Variants in FILIP1 observed in about 807,000 individuals in gnomAD.
FILIP1 encodes the protein filamin-A-interacting protein 1.
FILIP1 carries 61 observed loss-of-function variants against 102.1 expected under a neutral mutation model. That is an observed-to-expected ratio of 0.60 (90% confidence interval 0.49 to 0.74). FILIP1 has a LOEUF of 0.74. Ranked by LOEUF, FILIP1 falls within the 30% of genes least tolerant of loss-of-function variation. The probability of loss-of-function intolerance (pLI) is 0.00; values close to 1 mark genes in which losing one functional copy is unlikely to be tolerated. For missense variants in FILIP1, 1,314 were observed against 1,441.2 expected, an observed-to-expected ratio of 0.91 and a Z score of 1.43; for synonymous variants, 491 against 526.9, an observed-to-expected ratio of 0.93 and a Z score of 0.93.
chr6:75,400,605 CTGA>C (rs1445758309), intron 2 of FILIP1, among the ~76,000 whole-genome samples: 1 of 152,044 alleles, frequency 6.6e-6, no homozygotes, highest in African/African-American at 2.4e-5. Flanking sequence ...AGGGACCTTT[CTGA>C]TAATAATTCC....
intron 1 of FILIP1, among the ~76,000 whole-genome samples, chr6:75,416,840 C>T (rs1022494419): frequency 6.6e-6 from 1 of 152,050 alleles, no homozygotes; most frequent in African/African-American, 2.4e-5. Context: ...AAATCCCAGA[C>T]AATAGTTCCC....
intron 2 of FILIP1, among the ~76,000 whole-genome samples, chr6:75,376,080 A>G (rs2149633950): frequency 6.6e-6 from 1 of 152,314 alleles, no homozygotes; most frequent in South Asian, 2.1e-4. Context: ...GTCTTTTTGA[A>G]AACTCAGGGT....
intron 2 of FILIP1, among the ~76,000 whole-genome samples, chr6:75,392,669 G>T (rs373349795): frequency 6.6e-6 from 1 of 152,020 alleles, no homozygotes; most frequent in East Asian, 1.9e-4. Flanking sequence ...TGCCTGATAT[G>T]GTTTTGCTCT....
At chr6:75,349,434 G>A (rs1471940533) in intron 4 of FILIP1, among the ~76,000 whole-genome samples, 1 of 151,758 alleles carries the variant, frequency 6.6e-6, no homozygotes, top group Non-Finnish European at 1.5e-5. Context: ...GGCGGGAGAA[G>A]CTGAGTGAGT....
chr6:75,350,355 T>G (rs1774751432), intron 4 of FILIP1, among the ~76,000 whole-genome samples: 1 of 151,918 alleles, frequency 6.6e-6, no homozygotes, highest in Non-Finnish European at 1.5e-5. Flanking sequence ...ATCCCAGTGG[T>G]GCTGATGAAA....
At position 75,414,958 on chromosome 6, in the gene FILIP1, G is replaced by A; in HGVS notation, c.15C>T (p.Asn5=). Reference sequence around the variant, plus strand: ...CATCAGATGCACTTTCACCACCTTGGTTTCGAGATCTCATTCCCACCTACA... The same window carrying A: ...CATCAGATGCACTTTCACCACCTTGATTTCGAGATCTCATTCCCACCTACA... MRSR[N]QGGESASDGH... Residue 5 remains asparagine (N), a synonymous_variant, in exon 2 of 6, where the codon AAC becomes AAT. Transcript: ENST00000237172. The A allele has an allele frequency of 6.2e-7, 1 of 1,613,326 alleles. No individual in the cohort carries two copies.
chr6:75,352,534 G>GA, intron 4 of FILIP1, among the ~76,000 whole-genome samples: 1 of 152,232 alleles, frequency 6.6e-6, no homozygotes, highest in Non-Finnish European at 1.5e-5. Context: ...AAACCTACAA[G>GA]AATAAACATC....
chr6:75,350,304 C>T lies in FILIP1; in HGVS notation c.629+3235G>A, dbSNP rs79799965. ...AAAATTAAGTGAGAGTCAAAGGTCT[C>T]TTAGTGAATTCTTATCTAAAACGTG... On this transcript the variant is annotated intron_variant, in intron 4 of 5. Coordinates refer to ENST00000237172, the MANE Select transcript of FILIP1 (RefSeq NM_015687.5). Among the ~76,000 whole-genome samples the T allele has an allele frequency of 7.2e-3, 1,086 of 151,578 alleles. 37 individuals carry two copies. The East Asian group carries it at 0.11, about 15-fold the overall frequency.
intron 1 of FILIP1, among the ~76,000 whole-genome samples, chr6:75,454,655 A>G (rs1778760618): frequency 6.6e-6 from 1 of 152,176 alleles, no homozygotes; most frequent in Admixed American, 6.5e-5. Flanking sequence ...GTGAAGTCCC[A>G]TGTCTTTTCT....
intron 1 of FILIP1, among the ~76,000 whole-genome samples, chr6:75,475,687 T>C (rs760507987): frequency 4.6e-5 from 7 of 152,188 alleles, no homozygotes; most frequent in African/African-American, 7.2e-5. Flanking sequence ...TTTATGAGCC[T>C]CACCTCATTC....
intron 1 of FILIP1, among the ~76,000 whole-genome samples, chr6:75,478,937 G>A (rs571447923): frequency 2.6e-4 from 39 of 152,074 alleles, no homozygotes; most frequent in Non-Finnish European, 4.7e-4. Context: ...TCTTCCACTT[G>A]CTCCTTGGTC....
Position 75,338,379 on chromosome 6 carries a change from A to T in FILIP1, c.629+15160T>A, listed in dbSNP as rs149469603. 1.6e-4 allele frequency among the ~76,000 whole-genome samples: 24 copies of T among 152,314 alleles called. 1 individual carries two copies. In the East Asian group the frequency reaches 4.6e-3, roughly 29 times the overall value. ...ATCTTTTCTGCTCAAACTTTTCACC[A>T]CCATGAAGCACTTTCCAAACACAAG... On this transcript the variant is annotated intron_variant, in intron 4 of 5. Coordinates refer to ENST00000237172, the MANE Select transcript of FILIP1 (RefSeq NM_015687.5).
chr6:75,383,855 T>A (rs1775986701), intron 2 of FILIP1, among the ~76,000 whole-genome samples: 2 of 152,148 alleles, frequency 1.3e-5, no homozygotes, highest in Admixed American at 6.6e-5. Context: ...ATAAGTGGTG[T>A]CAGAATGCGA....
intron 2 of FILIP1, among the ~76,000 whole-genome samples, chr6:75,393,883 C>T (rs1030232424): frequency 1.3e-5 from 2 of 152,128 alleles, no homozygotes; most frequent in Non-Finnish European, 2.9e-5. Context: ...CTACTTTGTC[C>T]TGTTTCTGAC....
intron 2 of FILIP1, among the ~76,000 whole-genome samples, chr6:75,382,275 C>G (rs995050004): frequency 6.6e-6 from 1 of 151,796 alleles, no homozygotes; most frequent in African/African-American, 2.4e-5. Context: ...GACCCCTTGC[C>G]AAGCCACTGC....
At chr6:75,427,619 T>C (rs1777670048) in intron 1 of FILIP1, among the ~76,000 whole-genome samples, 1 of 152,062 alleles carries the variant, frequency 6.6e-6, no homozygotes, top group Admixed American at 6.6e-5. Flanking sequence ...AAACTATCGA[T>C]TGCGTCTCTC....
At chr6:75,319,850 A>G in intron 4 of FILIP1, 1 of 440,614 alleles carries the variant, frequency 2.3e-6, no homozygotes, top group Non-Finnish European at 4.1e-6. Context: ...AAAGAAAAGA[A>G]AAGAAAACTC....
At chr6:75,434,295 A>T (rs1464587101) in intron 1 of FILIP1, among the ~76,000 whole-genome samples, 1 of 152,186 alleles carries the variant, frequency 6.6e-6, no homozygotes, top group Non-Finnish European at 1.5e-5. Context: ...GGCCATTTTC[A>T]AAATATTGAT....
At chr6:75,368,327 A>G (rs181843159) in intron 2 of FILIP1, among the ~76,000 whole-genome samples, 53 of 152,332 alleles carry the variant, frequency 3.5e-4, no homozygotes, top group Admixed American at 1.8e-3. Flanking sequence ...TATAAAGTCA[A>G]TGGAGTGAGT....
Sources: allele counts gnomAD v4.1 joint callset (sites outside exome capture counted in the v4.1 genomes callset), GRCh38; gene constraint gnomAD v4.1.1; transcripts MANE v1.5; gene names NCBI Gene and HGNC (gene_info 2026-07-23, HGNC 2026-07-21).